The following BCAS1 variants were observed in gnomAD, a reference collection of about 807,000 sequenced individuals.
BCAS1 encodes brain enriched myelin associated protein 1.
BCAS1 carries 46 observed loss-of-function variants against 65.4 expected under a neutral mutation model. The ratio of observed to expected loss-of-function variants is 0.70; its 90% confidence interval spans 0.55 to 0.90. BCAS1 has a LOEUF of 0.90. BCAS1 is among the 40% of genes least tolerant of loss of function. BCAS1 has a pLI of 0.00. For synonymous variants in BCAS1, 298 were observed against 293.5 expected (o/e 1.02, Z -0.16); for missense variants, 793 against 771.2 (o/e 1.03, Z -0.33).
At position 53,978,445 on chromosome 20, in the gene BCAS1, T is replaced by TA. The variant is rs1697574563; in HGVS notation, c.1276-3016dup. ...CTTTGCTGTAAATAGTAGTACGTAT[T>TA]AAAAAGTACAATAGATAAAAAACAT... On this transcript the variant is annotated intron_variant, in intron 8 of 12. Transcript: ENST00000688948. Among the ~76,000 whole-genome samples the TA allele has an allele frequency of 3.3e-5, 5 of 152,220 alleles. No homozygotes were observed. The South Asian group carries it at 1.0e-3, about 31-fold the overall frequency.
At chr20:53,968,792 G>C (rs2090105138) in intron 9 of BCAS1, among the ~76,000 whole-genome samples, 1 of 152,172 alleles carries the variant, frequency 6.6e-6, no homozygotes, top group Non-Finnish European at 1.5e-5. Context: ...GTAAAGTCAA[G>C]CTGTCCCATC....
intron 4 of BCAS1, among the ~76,000 whole-genome samples, chr20:54,025,078 T>C (rs1387411372): frequency 1.3e-5 from 2 of 152,220 alleles, no homozygotes; most frequent in Non-Finnish European, 2.9e-5. Context: ...AAGTAACGAT[T>C]GCAGGATTTA....
intron 12 of BCAS1, among the ~76,000 whole-genome samples, chr20:53,951,091 C>G (rs2089506717): frequency 6.6e-6 from 1 of 152,226 alleles, no homozygotes; most frequent in African/African-American, 2.4e-5. Flanking sequence ...TAGAGGCTGG[C>G]TTCTATTAAA....
At chr20:54,058,799 A>T (rs2092338431) in intron 1 of BCAS1, 76 bp from the exon 2 acceptor site, 1 of 1,548,372 alleles carries the variant, frequency 6.5e-7, no homozygotes, top group South Asian at 1.2e-5. Flanking sequence ...TAAGGTGCAG[A>T]GGCCTGACAA....
At chr20:53,962,657 T>C (rs181623115) in intron 10 of BCAS1, among the ~76,000 whole-genome samples, 5 of 130,944 alleles carry the variant, frequency 3.8e-5, no homozygotes, top group Non-Finnish European at 6.3e-5. Flanking sequence ...TGAATTAATA[T>C]GTATAAGAAT....
At chr20:54,010,862 G>A (rs543162743) in intron 4 of BCAS1, among the ~76,000 whole-genome samples, 2 of 152,320 alleles carry the variant, frequency 1.3e-5, no homozygotes, top group South Asian at 2.1e-4. Context: ...AAGCAAGGCT[G>A]TATGGTATTG....
chr20:53,971,559 TA>T (rs1304613974), intron 9 of BCAS1, among the ~76,000 whole-genome samples: 10 of 152,246 alleles, frequency 6.6e-5, no homozygotes, highest in African/African-American at 2.4e-4. Context: ...GCAGGGTTGC[TA>T]CTTGACAAAT....
At chr20:53,981,408 G>A (rs748067778) in intron 8 of BCAS1, among the ~76,000 whole-genome samples, 12 of 152,018 alleles carry the variant, frequency 7.9e-5, no homozygotes, top group Non-Finnish European at 1.6e-4. Context: ...CTATTTTGAC[G>A]TACACTGATT....
chr20:54,054,467 T>G (rs542863355), intron 3 of BCAS1, among the ~76,000 whole-genome samples: 2 of 152,054 alleles, frequency 1.3e-5, no homozygotes, highest in African/African-American at 4.8e-5. Flanking sequence ...CAAGAAAGGG[T>G]CACCCAGAAT....
intron 12 of BCAS1, among the ~76,000 whole-genome samples, chr20:53,945,948 T>G (rs1372059743): frequency 6.6e-6 from 1 of 151,956 alleles, no homozygotes; most frequent in Non-Finnish European, 1.5e-5. Context: ...ATTTTAAAAT[T>G]TTTTTTGTAG....
At position 53,976,860 on chromosome 20, in the gene BCAS1, C is replaced by T. The variant is rs141271208; in HGVS notation, c.1276-1430G>A. On this transcript the variant is annotated intron_variant, in intron 8 of 12. Transcript: ENST00000688948. ...ACAAAAATGTTCCTAAAAGAGATTGCTGAATTTCTGAAAGCTTCTGATTAT... is the reference window on the plus strand; with the variant it reads ...ACAAAAATGTTCCTAAAAGAGATTGTTGAATTTCTGAAAGCTTCTGATTAT... Among the ~76,000 whole-genome samples the T allele has an allele frequency of 2.5e-3, 388 of 152,264 alleles. 2 individuals carry two copies. Among genetic ancestry groups the T allele is most frequent in the African/African-American group, 9.2e-3 (381 of 41,562 alleles).
chr20:54,006,681 G>A (rs1208141705), intron 4 of BCAS1, among the ~76,000 whole-genome samples: 1 of 149,798 alleles, frequency 6.7e-6, no homozygotes, highest in Non-Finnish European at 1.5e-5. Context: ...CTGCACTCCA[G>A]CCTGGGCGAC....
Position 53,944,764 on chromosome 20 carries a change from A to G in BCAS1, c.*158T>C. The G allele has an allele frequency of 1.4e-6, 1 of 722,684 alleles. No individual in the cohort carries two copies. The highest frequency in any genetic ancestry group is 2.5e-5 in the East Asian group (1 of 40,180). The allele number at this position is 722,684 out of a possible 1,614,324, so 44.8% of individuals were successfully genotyped here. A position where few individuals can be genotyped will look rare whatever the true frequency, so the allele number is the denominator to read the frequency against. On this transcript the variant is annotated 3_prime_UTR_variant, in exon 13 of 13. Transcript: ENST00000688948. ...AGACTGGACCAGAGACGTAAATAATACACCTCAATATACAACAGCTCGGGC... is the reference window on the plus strand; with the variant it reads ...AGACTGGACCAGAGACGTAAATAATGCACCTCAATATACAACAGCTCGGGC...
At chr20:54,034,480 G>A (rs1205417107) in intron 3 of BCAS1, among the ~76,000 whole-genome samples, 1 of 151,078 alleles carries the variant, frequency 6.6e-6, no homozygotes, top group East Asian at 1.9e-4. Flanking sequence ...GCATTTCCAT[G>A]CACCAACAAC....
At chr20:54,015,838 CGAGAAAT>C (rs1022716922) in intron 4 of BCAS1, among the ~76,000 whole-genome samples, 1 of 152,052 alleles carries the variant, frequency 6.6e-6, no homozygotes, top group African/African-American at 2.4e-5. Flanking sequence ...GAGGAGGAAT[CGAGAAAT>C]TACCTAGATG....
chr20:54,043,671 CG>C (rs1400579123), intron 3 of BCAS1, among the ~76,000 whole-genome samples: 1 of 152,062 alleles, frequency 6.6e-6, no homozygotes, highest in Non-Finnish European at 1.5e-5. Context: ...CAAGAATACC[CG>C]GGAGGGGTTG....
chr20:54,061,448 G>A (rs2092375767), intron 1 of BCAS1, among the ~76,000 whole-genome samples: 1 of 152,220 alleles, frequency 6.6e-6, no homozygotes. Context: ...CATCTCCAAA[G>A]ACCTAGCTTC....
Position 53,966,951 on chromosome 20 carries a change from T to C in BCAS1, c.1440A>G (p.Glu480=), listed in dbSNP as rs770740945. 7.4e-6 allele frequency: 12 copies of C among 1,613,174 alleles called. No individual in the cohort carries two copies. In the South Asian group the frequency reaches 1.1e-4, roughly 15 times the overall value. ...TCAGAGAGGTTCTTGGTTTGCTTTCTTCTCTTTTGAGTTTCGCTTCTGTGG... is the reference window on the plus strand; with the variant it reads ...TCAGAGAGGTTCTTGGTTTGCTTTCCTCTCTTTTGAGTTTCGCTTCTGTGG... ...PEPTEAKLKR[E]ESKPRTSLMA... is the part of the protein sequence containing the mutation. The change falls in exon 10 of 13, where the codon GAA becomes GAG. Residue 480 remains glutamate, a synonymous_variant. Coordinates refer to ENST00000688948, the MANE Select transcript of BCAS1 (RefSeq NM_001366298.2).
intron 4 of BCAS1, among the ~76,000 whole-genome samples, chr20:54,003,651 T>G (rs1448719626): frequency 6.6e-6 from 1 of 150,566 alleles, no homozygotes; most frequent in Non-Finnish European, 1.5e-5. Context: ...AAAGTAACAA[T>G]AATACACATA....
Sources: allele counts gnomAD v4.1 joint callset (sites outside exome capture counted in the v4.1 genomes callset), GRCh38; gene constraint gnomAD v4.1.1; transcripts MANE v1.5; gene names NCBI Gene and HGNC (gene_info 2026-07-23, HGNC 2026-07-21).